Variants in PLGRKT observed in about 807,000 individuals in gnomAD.
PLGRKT encodes plasminogen receptor (KT).
Under a neutral mutation model 18.5 loss-of-function variants are expected in PLGRKT, and 22 were observed. The ratio of observed to expected loss-of-function variants is 1.19; its 90% CI spans 0.85 to 1.70. The LOEUF is 1.70. Ranked by LOEUF, PLGRKT falls within the 40% of genes most tolerant of loss-of-function variation. The probability of loss-of-function intolerance (pLI) is 0.00; values close to 1 mark genes in which losing one functional copy is unlikely to be tolerated. For synonymous variants in PLGRKT, 72 were observed against 52.8 expected, an observed-to-expected ratio of 1.36 and a Z score of -1.58; for missense variants, 235 against 174.4, an observed-to-expected ratio of 1.35 and a Z score of -1.96.
chr9:5,382,837 G>A (rs1161291593), intron 3 of PLGRKT, among the ~76,000 whole-genome samples: 1 of 152,156 alleles, frequency 6.6e-6, no homozygotes, highest in Non-Finnish European at 1.5e-5. Flanking sequence ...AAGTAGATGG[G>A]CACCAAAGGA....
intron 3 of PLGRKT, among the ~76,000 whole-genome samples, chr9:5,371,620 G>C (rs1817517738): frequency 6.6e-6 from 1 of 152,118 alleles, no homozygotes; most frequent in African/African-American, 2.4e-5. Context: ...CCCAGTCTCA[G>C]GTGAAATCAG....
chr9:5,435,557 T>C (rs1818944629), intron 2 of PLGRKT, among the ~76,000 whole-genome samples: 1 of 152,186 alleles, frequency 6.6e-6, no homozygotes, highest in South Asian at 2.1e-4. Flanking sequence ...TCCTGGAAAA[T>C]GTACTTTTTA....
intron 3 of PLGRKT, among the ~76,000 whole-genome samples, chr9:5,387,622 G>C (rs189782199): frequency 0.01 from 1,592 of 151,930 alleles, 21 homozygotes; most frequent in Non-Finnish European, 0.017. Flanking sequence ...TAGAAGTCTA[G>C]AGAGTGGTGA....
Position 5,419,210 on chromosome 9 carries a change from C to T in PLGRKT, c.81+12687G>A, listed in dbSNP as rs1222153214. On this transcript the variant is annotated intron_variant, in intron 3 of 5. Transcript: ENST00000223864. ...AGGAATACAAGGCCAGCAGCAATGG[C>T]AATTTTCAAAGACCATGGCTTCTGG... Among the ~76,000 whole-genome samples the T allele has an allele frequency of 3.9e-5, 6 of 152,338 alleles. No homozygotes were observed. In the East Asian group the frequency reaches 1.2e-3, roughly 29 times the overall value.
At chr9:5,436,131 G>C (rs1818954636) in intron 2 of PLGRKT, among the ~76,000 whole-genome samples, 1 of 152,192 alleles carries the variant, frequency 6.6e-6, no homozygotes, top group Admixed American at 6.5e-5. Flanking sequence ...ACTGACAGCA[G>C]GGTGATTTGG....
chr9:5,375,810 A>C (rs900575052), intron 3 of PLGRKT, among the ~76,000 whole-genome samples: 1 of 152,182 alleles, frequency 6.6e-6, no homozygotes, highest in African/African-American at 2.4e-5. Flanking sequence ...AAACAATTAA[A>C]CATAGAACTA....
At chr9:5,383,526 T>C (rs1817784807) in intron 3 of PLGRKT, among the ~76,000 whole-genome samples, 1 of 152,182 alleles carries the variant, frequency 6.6e-6, no homozygotes, top group East Asian at 1.9e-4. Flanking sequence ...TATTATTACA[T>C]TGTAATATAT....
At position 5,431,949 on chromosome 9, in the gene PLGRKT, T is replaced by C; in HGVS notation, c.29A>G (p.Asn10Ser). Residue 10 changes from asparagine (N) to serine (S), a missense_variant, in exon 3 of 6, where the codon AAT (asparagine) becomes AGT (serine). Physicochemically the swap from Asn to Ser is conservative, Grantham distance 46 (BLOSUM62 1). Transcript: ENST00000223864. Reference protein sequence around the residue: MGFIFSKSMNESMKNQKEFM... With the variant: MGFIFSKSMSESMKNQKEFM... ...CTCCTTTTGATTTTTCATGCTTTCA[T>C]TCATAGATTTTGAAAATATAAACCC... The C allele has an allele frequency of 6.5e-7, 1 of 1,545,824 alleles. No homozygotes were observed. The highest frequency in any genetic ancestry group is 2.2e-5 in the East Asian group (1 of 44,512).
intron 3 of PLGRKT, chr9:5,419,060 T>C: frequency 5.6e-6 from 2 of 359,294 alleles, no homozygotes. Context: ...GTCTTTCCAG[T>C]GCAGGTCATG....
intron 3 of PLGRKT, among the ~76,000 whole-genome samples, chr9:5,412,071 A>G (rs184031332): frequency 6.6e-6 from 1 of 152,348 alleles, no homozygotes. Flanking sequence ...AAAAGTGTCT[A>G]TAATTAAAAC....
At chr9:5,367,521 A>G (rs10815191) in intron 3 of PLGRKT, among the ~76,000 whole-genome samples, 15,876 of 152,200 alleles carry the variant, frequency 0.1, 1,104 homozygotes, top group South Asian at 0.21. Flanking sequence ...TGGTGCTGGG[A>G]TAACTTCCTA....
intron 3 of PLGRKT, chr9:5,419,005 C>T (rs1818520020): frequency 1.8e-6 from 1 of 566,698 alleles, no homozygotes; most frequent in Non-Finnish European, 3.0e-6. Flanking sequence ...AGGGCAAGGC[C>T]AAGGGGAAGG....
chr9:5,367,591 A>C (rs1484852734), intron 3 of PLGRKT, among the ~76,000 whole-genome samples: 4 of 152,214 alleles, frequency 2.6e-5, no homozygotes, highest in Non-Finnish European at 5.9e-5. Context: ...AACTTAACTC[A>C]AAATGGATTA....
chr9:5,419,424 G>C (rs1436625699), intron 3 of PLGRKT, among the ~76,000 whole-genome samples: 2 of 152,228 alleles, frequency 1.3e-5, no homozygotes, highest in African/African-American at 4.8e-5. Flanking sequence ...TCCGTGGCGT[G>C]TTCAGGTGCT....
chr9:5,361,074 T>A lies in PLGRKT; in HGVS notation c.322+4A>T, dbSNP rs1176299755. ...ATAGAAACTCTAGTTTACCAAAGAC[T>A]TACCTTTCATTCTTTCTAAAAGGGT... On this transcript the variant is annotated splice_donor_region_variant and intron_variant, in intron 5 of 5. Coordinates refer to ENST00000223864, the MANE Select transcript of PLGRKT (RefSeq NM_018465.4). The A allele has an allele frequency of 7.1e-7, 1 of 1,402,962 alleles. No homozygotes were observed. The highest frequency in any genetic ancestry group is 1.8e-5 in the Admixed American group (1 of 56,118). 86.9% of individuals were successfully genotyped at this position (1,402,962 alleles called of 1,614,324 possible). A position where few individuals can be genotyped will look rare whatever the true frequency, so the allele number is the denominator to read the frequency against.
At chr9:5,431,586 T>G (rs1205348944) in intron 3 of PLGRKT, among the ~76,000 whole-genome samples, 2 of 150,742 alleles carry the variant, frequency 1.3e-5, no homozygotes. Flanking sequence ...TGAGTCCATC[T>G]GCATAATCCA....
At chr9:5,376,220 A>G (rs941238810) in intron 3 of PLGRKT, among the ~76,000 whole-genome samples, 2 of 152,130 alleles carry the variant, frequency 1.3e-5, no homozygotes, top group Admixed American at 6.6e-5. Flanking sequence ...TTTGTGTTTA[A>G]TGGGTACAAG....
intron 3 of PLGRKT, among the ~76,000 whole-genome samples, chr9:5,399,898 G>A (rs1029444181): frequency 4.6e-5 from 7 of 151,870 alleles, no homozygotes; most frequent in Middle Eastern, 3.4e-3. Flanking sequence ...AGCTGAGGAA[G>A]GAGAATCACT....
At chr9:5,405,653 C>T (rs141304219) in intron 3 of PLGRKT, among the ~76,000 whole-genome samples, 2,173 of 152,258 alleles carry the variant, frequency 0.014, 49 homozygotes, top group African/African-American at 0.05. Flanking sequence ...ACTATAAAAA[C>T]CCTAGAAGAA....
Sources: gnomAD v4.1 joint callset for allele counts (sites outside exome capture counted in the v4.1 genomes callset) on GRCh38, gnomAD v4.1.1 for gene constraint, MANE v1.5 for transcripts, NCBI Gene and HGNC (gene_info 2026-07-23, HGNC 2026-07-21) for gene names.